ADGRL2: variants seen among roughly 807,000 people sequenced by gnomAD.
ADGRL2 encodes the protein calcium-independent alpha-latrotoxin receptor 2.
In ADGRL2, 44 loss-of-function variants were observed where a neutral mutation model predicts 157.4. The observed-to-expected ratio is 0.28, with a 90% CI of 0.22 to 0.36. The LOEUF (loss-of-function observed/expected upper bound fraction) is 0.36, where lower values mean the gene tolerates loss of function less well. ADGRL2 is among the 10% of genes least tolerant of loss of function. The pLI is 1.00. For missense variants in ADGRL2, 1,510 were observed against 1,768.9 expected, an observed-to-expected ratio of 0.85 and a Z score of 2.63; for synonymous variants, 585 against 624.7, an observed-to-expected ratio of 0.94 and a Z score of 0.95.
intron 2 of ADGRL2, among the ~76,000 whole-genome samples, chr1:81,571,888 C>T (rs1218984850): frequency 6.6e-6 from 1 of 152,216 alleles, no homozygotes; most frequent in African/African-American, 2.4e-5. Context: ...ACATGCTCCG[C>T]ACCCCCCAGC....
chr1:81,778,265 T>A (rs1000712898), intron 2 of ADGRL2, among the ~76,000 whole-genome samples: 3 of 149,304 alleles, frequency 2.0e-5, no homozygotes, highest in African/African-American at 7.5e-5. Flanking sequence ...GAGCTTGCAG[T>A]GAGCGGAGAT....
At chr1:81,494,196 T>C (rs1418864498) in intron 2 of ADGRL2, among the ~76,000 whole-genome samples, 1 of 152,156 alleles carries the variant, frequency 6.6e-6, no homozygotes, top group Non-Finnish European at 1.5e-5. Context: ...ATCTTGCTGA[T>C]TTTCACTCAC....
chr1:81,615,593 G>A (rs1048507025), intron 3 of ADGRL2, among the ~76,000 whole-genome samples: 2 of 152,130 alleles, frequency 1.3e-5, no homozygotes, highest in Non-Finnish European at 2.9e-5. Flanking sequence ...CACTCACCGC[G>A]AGGGTCTGCG....
intron 2 of ADGRL2, among the ~76,000 whole-genome samples, chr1:81,773,407 T>C (rs1571164439): frequency 6.6e-6 from 1 of 152,122 alleles, no homozygotes; most frequent in Non-Finnish European, 1.5e-5. Flanking sequence ...TTCCACCAAA[T>C]AGAAGGGAAT....
intron 3 of ADGRL2, among the ~76,000 whole-genome samples, chr1:81,926,990 C>A (rs543855733): frequency 2.0e-4 from 31 of 151,916 alleles, no homozygotes; most frequent in Non-Finnish European, 4.0e-4. Context: ...TTTCAAAATG[C>A]TTATTTTAGT....
Position 81,825,591 on chromosome 1 carries a change from C to T in ADGRL2, c.-100-11294C>T, listed in dbSNP as rs1022205509. Among the ~76,000 whole-genome samples, 4 of 147,056 alleles carry T rather than the reference C, an allele frequency of 2.7e-5. No homozygotes were observed. The East Asian group carries it at 5.9e-4, about 22-fold the overall frequency. ...ATCTCTCCTTACCTTGTGATCTGCC[C>T]ATCTTGGCCTCCCAAAGTGCTGGGA... On this transcript the variant is annotated intron_variant, in intron 1 of 23. Transcript: ENST00000686636.
At chr1:81,767,413 A>C (rs2086172757) in intron 2 of ADGRL2, among the ~76,000 whole-genome samples, 1 of 152,188 alleles carries the variant, frequency 6.6e-6, no homozygotes, top group Non-Finnish European at 1.5e-5. Context: ...ACTTGGCAAT[A>C]TCTGCAAACA....
chr1:81,702,323 C>T (rs567711572), intron 1 of ADGRL2, among the ~76,000 whole-genome samples: 91 of 152,250 alleles, frequency 6.0e-4, no homozygotes, highest in African/African-American at 2.1e-3. Context: ...ACAGCATCAC[C>T]CCTTCTTTCT....
Position 81,899,240 on chromosome 1 carries a change from C to A in ADGRL2, c.74-7777C>A, listed in dbSNP as rs1000451088. Among the ~76,000 whole-genome samples, 114 of 152,300 alleles carry A rather than the reference C, an allele frequency of 7.5e-4. 1 individual carries two copies. Among genetic ancestry groups the A allele is most frequent in the African/African-American group, 2.6e-3 (110 of 41,566 alleles). On this transcript the variant is annotated intron_variant, in intron 2 of 23. Transcript: ENST00000686636. Reference sequence around the variant, plus strand: ...CTCAACAAGCACTTAAAGTTTATCACAACAAAATGTACTGTTTGTTGTCAG... The same window carrying A: ...CTCAACAAGCACTTAAAGTTTATCAAAACAAAATGTACTGTTTGTTGTCAG...
At chr1:81,446,288 T>G (rs1014766202) in intron 2 of ADGRL2, among the ~76,000 whole-genome samples, 1 of 152,214 alleles carries the variant, frequency 6.6e-6, no homozygotes. Flanking sequence ...TTCAGAAACA[T>G]GCAAACATCA....
intron 1 of ADGRL2, among the ~76,000 whole-genome samples, chr1:81,418,554 A>T (rs1408223309): frequency 6.6e-6 from 1 of 151,958 alleles, no homozygotes. Context: ...AATCAAAACC[A>T]TCCTGGCTAA....
At chr1:81,449,271 C>T (rs1010792770) in intron 2 of ADGRL2, among the ~76,000 whole-genome samples, 5 of 151,452 alleles carry the variant, frequency 3.3e-5, no homozygotes, top group Non-Finnish European at 5.9e-5. Context: ...ATACATAGTG[C>T]TTTTGGGGGC....
chr1:81,467,374 G>A (rs141947576), intron 2 of ADGRL2, among the ~76,000 whole-genome samples: 4 of 152,176 alleles, frequency 2.6e-5, no homozygotes, highest in African/African-American at 4.8e-5. Context: ...ACTAAATCTC[G>A]TCCCCCTCTT....
intron 2 of ADGRL2, among the ~76,000 whole-genome samples, chr1:81,895,767 A>G (rs546095450): frequency 2.6e-4 from 39 of 152,150 alleles, no homozygotes; most frequent in Non-Finnish European, 3.1e-4. Context: ...AAAATTGCTT[A>G]TATTTAAATA....
At chr1:81,855,688 A>G (rs1557781783) in intron 2 of ADGRL2, among the ~76,000 whole-genome samples, 1 of 152,110 alleles carries the variant, frequency 6.6e-6, no homozygotes, top group Non-Finnish European at 1.5e-5. Flanking sequence ...TTACATCCCC[A>G]TATTTTGAAA....
intron 16 of ADGRL2, 68 bp from the exon 17 acceptor site, chr1:81,971,784 C>G: frequency 1.2e-6 from 1 of 831,296 alleles, no homozygotes; most frequent in Non-Finnish European, 2.0e-6. Context: ...TTTTTAAAAT[C>G]CTATTTTCCT....
intron 3 of ADGRL2, among the ~76,000 whole-genome samples, chr1:81,622,528 C>T (rs1166860803): frequency 6.6e-6 from 1 of 152,166 alleles, no homozygotes; most frequent in Non-Finnish European, 1.5e-5. Flanking sequence ...TTTCAGTGAG[C>T]CAAGATCGTG....
chr1:81,566,413 G>A (rs1013418056), intron 2 of ADGRL2, among the ~76,000 whole-genome samples: 3 of 152,100 alleles, frequency 2.0e-5, no homozygotes, highest in African/African-American at 4.8e-5. Flanking sequence ...ATAATAAAGT[G>A]ATGATTTATA....
chr1:81,656,350 T>C (rs1012822775), intron 3 of ADGRL2, among the ~76,000 whole-genome samples: 2 of 152,182 alleles, frequency 1.3e-5, no homozygotes, highest in African/African-American at 4.8e-5. Flanking sequence ...CTGCCCAAGT[T>C]CATATAGGTC....
Sources: gnomAD v4.1 joint callset for allele counts (sites outside exome capture counted in the v4.1 genomes callset) on GRCh38, gnomAD v4.1.1 for gene constraint, MANE v1.5 for transcripts, NCBI Gene and HGNC (gene_info 2026-07-23, HGNC 2026-07-21) for gene names.